The following ZNF831 variants were observed in gnomAD, a reference collection of about 807,000 sequenced individuals.
The protein encoded by ZNF831 is chromosome 20 open reading frame 174.
ZNF831 carries 59 observed loss-of-function variants against 95.8 expected under a neutral mutation model. That is an observed-to-expected ratio of 0.62 (90% CI 0.50 to 0.77). The LOEUF is 0.77. Among genes scored for constraint, ZNF831 ranks in the 30% least tolerant of loss-of-function variants. The pLI is 0.00. For synonymous variants in ZNF831, 961 were observed against 925.5 expected, an observed-to-expected ratio of 1.04 and a Z score of -0.70; for missense variants, 2,205 against 2,164.0, an observed-to-expected ratio of 1.02 and a Z score of -0.38.
At chr20:59,235,005 C>T (rs566607316) in intron 4 of ZNF831, among the ~76,000 whole-genome samples, 7 of 152,244 alleles carry the variant, frequency 4.6e-5, no homozygotes, top group African/African-American at 1.7e-4. Flanking sequence ...TTCAGGGTCC[C>T]GCATGACATT....
rs1983763066 is a variant in ZNF831 at position 59,193,218 on chromosome 20, A to C, written c.2199A>C (p.Ala733=). The C allele has an allele frequency of 1.3e-6, 2 of 1,591,140 alleles. No homozygotes were observed. The highest frequency in any genetic ancestry group is 1.1e-5 in the South Asian group (1 of 87,962). The change falls in exon 2 of 6, where the codon GCA becomes GCC. Residue 733 remains alanine, a synonymous_variant. Transcript: ENST00000371030. ...TGGAAGAGGCTGTGTCATCCCCTGC[A>C]CTGGGTGGCAGAGACAGTCCCTGTT... ...PRVEEAVSSP[A]LGGRDSPCSG...
At chr20:59,130,193 G>C (rs887961185) in intron 1 of ZNF831, among the ~76,000 whole-genome samples, 1 of 152,098 alleles carries the variant, frequency 6.6e-6, no homozygotes, top group African/African-American at 2.4e-5. Flanking sequence ...AAAGAGACAG[G>C]GCCATTAATA....
intron 1 of ZNF831, among the ~76,000 whole-genome samples, chr20:59,182,654 T>C (rs957316435): frequency 6.6e-6 from 1 of 152,198 alleles, no homozygotes; most frequent in African/African-American, 2.4e-5. Context: ...AATTAGGCAA[T>C]TGCAGGGGAC....
At chr20:59,188,808 C>T (rs911178414) in intron 1 of ZNF831, among the ~76,000 whole-genome samples, 19 of 152,100 alleles carry the variant, frequency 1.2e-4, no homozygotes, top group African/African-American at 4.3e-4. Context: ...TTGAAAGTAT[C>T]CTTTGATGAA....
At chr20:59,125,347 A>T (rs775873282) in intron 1 of ZNF831, among the ~76,000 whole-genome samples, 1 of 152,190 alleles carries the variant, frequency 6.6e-6, no homozygotes, top group Non-Finnish European at 1.5e-5. Context: ...GGCTTCTGTG[A>T]CTTGCAGATC....
In ZNF831 at chr20:59,208,158, T is replaced by A. The variant is rs1336427176; in HGVS notation, c.4027+1102T>A. Among the ~76,000 whole-genome samples the A allele has an allele frequency of 6.6e-6, 1 of 152,228 alleles. No homozygotes were observed. Among genetic ancestry groups the A allele is most frequent in the Non-Finnish European group, 1.5e-5 (1 of 68,030 alleles). The stretch of plus-strand genomic sequence containing the variant: ...GGGTCAAGCCCCATGTGGGAGAGGC[T>A]GGGATGCAGGGGGTTGGGTAGGTGG... On this transcript the variant is annotated intron_variant, in intron 4 of 5. Coordinates refer to ENST00000371030, the MANE Select transcript of ZNF831 (RefSeq NM_178457.3). This position sits in a 1 kb window ranked among gnomAD's most constrained non-coding sequence, Gnocchi z 4.2.
At chr20:59,186,296 C>A (rs1983028782) in intron 1 of ZNF831, among the ~76,000 whole-genome samples, 1 of 152,160 alleles carries the variant, frequency 6.6e-6, no homozygotes, top group Non-Finnish European at 1.5e-5. Context: ...CACCCCGAGA[C>A]AGCATCCCTT....
chr20:59,169,793 G>T lies in ZNF831; in HGVS notation c.-37+5586G>T, dbSNP rs762436393. ...CAGACACCTGTAATCCCAGCTACTC[G>T]GGAGGCTGAGGCAGGAGAATGTTTT... On this transcript the variant is annotated intron_variant, in intron 1 of 5. Coordinates refer to ENST00000371030, the MANE Select transcript of ZNF831 (RefSeq NM_178457.3). This position sits in a 1 kb window ranked among gnomAD's most constrained non-coding sequence, Gnocchi z 4.1. Among the ~76,000 whole-genome samples the T allele has an allele frequency of 2.0e-5, 3 of 151,926 alleles. No homozygotes were observed. The highest frequency in any genetic ancestry group is 2.9e-5 in the Non-Finnish European group (2 of 67,974).
intron 2 of ZNF831, among the ~76,000 whole-genome samples, chr20:59,148,424 G>A (rs2146451947): frequency 8.5e-6 from 1 of 117,170 alleles, no homozygotes; most frequent in South Asian, 2.3e-4. Flanking sequence ...GCTCACGCCT[G>A]TAATCCCAGC....
intron 4 of ZNF831, among the ~76,000 whole-genome samples, chr20:59,230,352 A>G (rs1986657760): frequency 6.6e-6 from 1 of 152,144 alleles, no homozygotes; most frequent in Admixed American, 6.6e-5. Flanking sequence ...GGTGCCTGTA[A>G]TCCCAGCCAC....
Position 59,129,024 on chromosome 20 carries a change from A to G in ZNF831, c.-1425+5519A>G, listed in dbSNP as rs533927807. 1.6e-4 allele frequency among the ~76,000 whole-genome samples: 24 copies of G among 152,212 alleles called. No individual in the cohort carries two copies. In the East Asian group the frequency reaches 4.3e-3, roughly 27 times the overall value. On this transcript the variant is annotated intron_variant, in intron 1 of 7. Transcript: ENST00000637017. ...GGTGATCCGCCAGCCTTGGCCTCCC[A>G]AAGTGCTGGGATTATAGGCATGAGC... is the stretch of plus-strand genomic sequence containing the variant.
chr20:59,165,960 T>C (rs1981225904), intron 1 of ZNF831, among the ~76,000 whole-genome samples: 1 of 152,228 alleles, frequency 6.6e-6, no homozygotes, highest in East Asian at 1.9e-4. Context: ...CCATTTTGGC[T>C]AGGCTGGTCT....
rs1568754944 is a variant in ZNF831, at chr20:59,192,756, G to C, written c.1737G>C (p.Leu579=). The change falls in exon 2 of 6, where the codon CTG becomes CTC. Residue 579 remains leucine, a synonymous_variant. Coordinates refer to ENST00000371030, the MANE Select transcript of ZNF831 (RefSeq NM_178457.3). This position sits in a 1 kb window ranked among gnomAD's most constrained non-coding sequence, Gnocchi z 5.2. ...CAGGCACCCCCATTGGCGATGCCCT[G>C]GTGCCCGCAGAGGACACAGACGCAA... ...DLPGTPIGDA[L]VPAEDTDAKR... 3 of 1,612,078 alleles carry C rather than the reference G, an allele frequency of 1.9e-6. No homozygotes were observed. Among genetic ancestry groups the C allele is most frequent in the Non-Finnish European group, 2.5e-6 (3 of 1,179,664 alleles).
chr20:59,195,638 A>T (rs1323112844), intron 2 of ZNF831, among the ~76,000 whole-genome samples: 1 of 152,204 alleles, frequency 6.6e-6, no homozygotes, highest in East Asian at 1.9e-4. Flanking sequence ...CACCGATGGC[A>T]TAGGCTTTCC....
rs1979809458 is a variant in ZNF831, at chr20:59,145,288, T to TTG, written c.-1424-933_-1424-932dup. Among the ~76,000 whole-genome samples, 4 of 152,122 alleles carry TTG rather than the reference T, an allele frequency of 2.6e-5. No individual in the cohort carries two copies. The South Asian group carries it at 8.3e-4, about 32-fold the overall frequency. Reference sequence around the variant, plus strand: ...TACCATTGGGCTGAGGGACGGAAGATTGTGTGTGTGTTTGTGTGTGTCATT... The same window carrying TTG: ...TACCATTGGGCTGAGGGACGGAAGATTGTGTGTGTGTGTTTGTGTGTGTCATT... On this transcript the variant is annotated intron_variant, in intron 1 of 7. Transcript: ENST00000637017.
At chr20:59,199,078 T>C (rs1260758705) in intron 3 of ZNF831, among the ~76,000 whole-genome samples, 1 of 7,030 alleles carries the variant, frequency 1.4e-4, no homozygotes. Flanking sequence ...TACATATCTA[T>C]CTATCTATCT....
rs527645271 is a variant in ZNF831, at chr20:59,221,569, C to CCTCATCTAAT, written c.4027+14514_4027+14523dup. Among the ~76,000 whole-genome samples the CCTCATCTAAT allele has an allele frequency of 1.7e-4, 26 of 152,298 alleles. No homozygotes were observed. The South Asian group carries it at 2.1e-3, about 12-fold the overall frequency. On this transcript the variant is annotated intron_variant, in intron 4 of 5. Coordinates refer to ENST00000371030, the MANE Select transcript of ZNF831 (RefSeq NM_178457.3). ...TTGAGAGTTTCCTCCAAATGTTTTT[C>CCTCATCTAAT]CTCATCTAATTTTCAGTATGGCCCC...
chr20:59,155,935 C>T (rs1300642921), intron 2 of ZNF831, among the ~76,000 whole-genome samples: 1 of 151,924 alleles, frequency 6.6e-6, no homozygotes, highest in African/African-American at 2.4e-5. Flanking sequence ...TTGTGTGCTC[C>T]CCCTCATGCT....
At chr20:59,138,952 C>T (rs1235620841) in intron 1 of ZNF831, among the ~76,000 whole-genome samples, 1 of 152,176 alleles carries the variant, frequency 6.6e-6, no homozygotes, top group East Asian at 1.9e-4. Flanking sequence ...CAAATCCCCT[C>T]CTCAGAGAGG....
Sources: gnomAD v4.1 joint callset for allele counts (sites outside exome capture counted in the v4.1 genomes callset) on GRCh38, gnomAD v4.1.1 for gene constraint, Gnocchi (gnomAD v3.1) non-coding constraint, MANE v1.5 for transcripts, NCBI Gene and HGNC (gene_info 2026-07-23, HGNC 2026-07-21) for gene names.